Variants in EPB41L3 observed in about 807,000 individuals in gnomAD.
EPB41L3 encodes erythrocyte membrane protein band 4.1 like 3, also known as band 4.1-like protein 3.
In EPB41L3, 57 loss-of-function variants were observed where a neutral mutation model predicts 127.1. The observed-to-expected ratio is 0.45, with a 90% confidence interval of 0.36 to 0.56. The LOEUF is 0.56. Among genes scored for constraint, EPB41L3 ranks in the 20% least tolerant of loss-of-function variants. EPB41L3 has a pLI of 0.00. For synonymous variants in EPB41L3, 572 were observed against 549.5 expected, an observed-to-expected ratio of 1.04 and a Z score of -0.57; for missense variants, 1,273 against 1,372.2, an observed-to-expected ratio of 0.93 and a Z score of 1.14.
chr18:5,604,169 C>A (rs1353429500), intron 3 of EPB41L3, among the ~76,000 whole-genome samples: 1 of 151,848 alleles, frequency 6.6e-6, no homozygotes, highest in Non-Finnish European at 1.5e-5. Context: ...TAGAATCATT[C>A]TTTCATTCTG....
chr18:5,480,521 A>T (rs2088236408), intron 2 of EPB41L3, among the ~76,000 whole-genome samples: 1 of 152,230 alleles, frequency 6.6e-6, no homozygotes, highest in Non-Finnish European at 1.5e-5. Context: ...ATTCAAATCT[A>T]GCCAAACCCA....
chr18:5,610,490 G>T (rs1031510064), intron 3 of EPB41L3, among the ~76,000 whole-genome samples: 4 of 152,110 alleles, frequency 2.6e-5, no homozygotes, highest in African/African-American at 7.2e-5. Context: ...ATTTGAATAT[G>T]CAATAGATGT....
chr18:5,394,918 C>CA, intron 21 of EPB41L3, 125 bp from the exon 22 acceptor site: 1 of 1,197,090 alleles, frequency 8.4e-7, no homozygotes, highest in Non-Finnish European at 1.2e-6. Context: ...ACAATGATTA[C>CA]AAAAGGAATC....
chr18:5,440,069 C>T (rs1002686049), intron 5 of EPB41L3, among the ~76,000 whole-genome samples: 3 of 152,018 alleles, frequency 2.0e-5, no homozygotes, highest in Admixed American at 6.6e-5. Flanking sequence ...TATAGTGAGC[C>T]GAAGAAATAC....
intron 18 of EPB41L3, 117 bp from the exon 19 acceptor site, chr18:5,396,449 T>A: frequency 8.2e-7 from 1 of 1,221,128 alleles, no homozygotes; most frequent in Non-Finnish European, 1.2e-6. Flanking sequence ...AATGTTTATG[T>A]AGAGAGTAAG....
chr18:5,628,460 G>A (rs1471688451), intron 1 of EPB41L3, among the ~76,000 whole-genome samples: 3 of 152,244 alleles, frequency 2.0e-5, no homozygotes, highest in African/African-American at 7.2e-5. Context: ...CTCCTGGCTG[G>A]GTTGGGTCCG....
intron 3 of EPB41L3, among the ~76,000 whole-genome samples, chr18:5,557,110 G>T (rs2094048291): frequency 6.6e-6 from 1 of 152,132 alleles, no homozygotes; most frequent in South Asian, 2.1e-4. Context: ...TGGGAGGTGT[G>T]CTGAGCTTAT....
rs534739492 is a variant in EPB41L3 at position 5,485,349 on chromosome 18, G to A, written c.183+3652C>T. Among the ~76,000 whole-genome samples the A allele has an allele frequency of 1.4e-4, 21 of 151,720 alleles. 1 individual carries two copies. The East Asian group carries it at 1.7e-3, about 13-fold the overall frequency. Reference sequence around the variant, plus strand: ...AAATCAGTATAGAAGAACATACCCCGAAATAATACACACCATATATGAAAA... The same window carrying A: ...AAATCAGTATAGAAGAACATACCCCAAAATAATACACACCATATATGAAAA... On this transcript the variant is annotated intron_variant, in intron 2 of 22. Transcript: ENST00000341928.
intron 3 of EPB41L3, among the ~76,000 whole-genome samples, chr18:5,594,345 A>G (rs1027038944): frequency 2.6e-5 from 4 of 152,210 alleles, no homozygotes; most frequent in African/African-American, 9.6e-5. Flanking sequence ...CCATTGGTAC[A>G]TTACCAATCT....
intron 3 of EPB41L3, among the ~76,000 whole-genome samples, chr18:5,563,180 T>C (rs74362479): frequency 6.6e-6 from 1 of 152,146 alleles, no homozygotes; most frequent in Non-Finnish European, 1.5e-5. Context: ...GTATGGGGAA[T>C]ATGTAAGAAG....
chr18:5,488,996 C>A lies in EPB41L3; in HGVS notation c.183+5G>T. 6.3e-7 allele frequency: 1 copy of A among 1,575,026 alleles called. No individual in the cohort carries two copies. Among genetic ancestry groups the A allele is most frequent in the Non-Finnish European group, 8.5e-7 (1 of 1,171,152 alleles). ...TGCGTCATTAGTTTTCTGGCCTGGG[C>A]TCACCTCCCTCCGCACCGGGGTGCT... On this transcript the variant is annotated splice_donor_5th_base_variant and intron_variant, in intron 2 of 22. Coordinates refer to ENST00000341928, the MANE Select transcript of EPB41L3 (RefSeq NM_012307.5).
At chr18:5,400,543 G>T (rs541699407) in intron 16 of EPB41L3, 7 of 457,202 alleles carry the variant, frequency 1.5e-5, no homozygotes, top group South Asian at 1.1e-4. Flanking sequence ...TTGACGAGAA[G>T]TAACCACAGA....
intron 1 of EPB41L3, chr18:5,521,374 A>C (rs2092982172): frequency 6.6e-6 from 1 of 152,242 alleles, no homozygotes; most frequent in African/African-American, 2.4e-5. Context: ...GAGTAGGCTA[A>C]CATTCAGCTC....
intron 4 of EPB41L3, among the ~76,000 whole-genome samples, chr18:5,444,330 TGCC>T (rs1425275855): frequency 2.0e-5 from 3 of 152,192 alleles, no homozygotes; most frequent in African/African-American, 7.2e-5. Flanking sequence ...AATCAATAGT[TGCC>T]TGTGATTTCC....
rs565160490 is a variant in EPB41L3 at position 5,554,577 on chromosome 18, C to T, written c.-306+57763G>A. ...ACTAATTTAGGCAGCAACTCCCAAT[C>T]ACCCTAAGGAAAACCCCATTCCTTA... On this transcript the variant is annotated intron_variant, in intron 3 of 21. Transcript: ENST00000545076. Among the ~76,000 whole-genome samples the T allele has an allele frequency of 2.4e-3, 369 of 152,308 alleles. 2 individuals are homozygous for T. The highest frequency in any genetic ancestry group is 8.7e-3 in the African/African-American group (362 of 41,552).
In EPB41L3 at chr18:5,397,314, C is replaced by A. The variant is rs200869858; in HGVS notation, c.2585G>T (p.Arg862Leu). 1.9e-6 allele frequency: 3 copies of A among 1,613,930 alleles called. No individual in the cohort carries two copies. The highest frequency in any genetic ancestry group is 2.5e-6 in the Non-Finnish European group (3 of 1,180,056). Residue 862 changes from arginine (R) to leucine (L), a missense_variant, in exon 18 of 23, where the codon CGT (arginine) becomes CTT (leucine). This residue lies in a region of EPB41L3 where 765 missense variants were observed against 782.9 expected (regional missense o/e 0.98). Transcript: ENST00000341928. This position sits in a 1 kb window ranked among gnomAD's most constrained non-coding sequence, Gnocchi z 4.1. ...AGCATCCCCACTCGCGTGCACCACACGCCGCTCCTCCACCAACACGGTCTC... is the reference window on the plus strand; with the variant it reads ...AGCATCCCCACTCGCGTGCACCACAAGCCGCTCCTCCACCAACACGGTCTC... ...VQETVLVEER[R>L]VVHASGDASY...
At chr18:5,534,257 AG>A (rs1454521331) in intron 1 of EPB41L3, among the ~76,000 whole-genome samples, 3 of 152,248 alleles carry the variant, frequency 2.0e-5, no homozygotes, top group South Asian at 2.1e-4. Flanking sequence ...CTTCAACCTT[AG>A]TACTATTTAT....
chr18:5,407,140 C>T, intron 15 of EPB41L3, 172 bp from the exon 16 acceptor site: 1 of 601,218 alleles, frequency 1.7e-6, no homozygotes, highest in Non-Finnish European at 2.9e-6. Flanking sequence ...TGTGATTTTC[C>T]CATGGAAAGG....
intron 3 of EPB41L3, among the ~76,000 whole-genome samples, chr18:5,553,750 C>A (rs141957242): frequency 6.6e-6 from 1 of 152,352 alleles, no homozygotes; most frequent in East Asian, 1.9e-4. Context: ...TGGGTTCCTG[C>A]AACACCTCAG....
Sources: gnomAD v4.1 joint callset for allele counts (sites outside exome capture counted in the v4.1 genomes callset) on GRCh38, gnomAD v4.1.1 for gene constraint, gnomAD v4.1.1 regional missense constraint, Gnocchi (gnomAD v3.1) non-coding constraint, MANE v1.5 for transcripts, NCBI Gene and HGNC (gene_info 2026-07-23, HGNC 2026-07-21) for gene names.